Variants in WDPCP observed in about 807,000 individuals in gnomAD.
WDPCP encodes WD repeat-containing and planar cell polarity effector protein fritz homolog.
In WDPCP, 71 loss-of-function variants were observed where a neutral mutation model predicts 93.1. The observed-to-expected ratio is 0.76, with a 90% confidence interval of 0.63 to 0.93. WDPCP has a LOEUF of 0.93. WDPCP is among the 40% of genes least tolerant of loss of function. The pLI, the probability that WDPCP is intolerant of heterozygous loss-of-function variation, is 0.00. For missense variants in WDPCP, 844 were observed against 887.4 expected, an observed-to-expected ratio of 0.95 and a Z score of 0.62; for synonymous variants, 315 against 315.0, an observed-to-expected ratio of 1.00 and a Z score of 0.00.
intron 3 of WDPCP, among the ~76,000 whole-genome samples, chr2:63,634,561 G>T (rs1709902006): frequency 6.6e-6 from 1 of 152,142 alleles, no homozygotes; most frequent in Non-Finnish European, 1.5e-5. Flanking sequence ...AATGGCAGCA[G>T]AATATACATT....
At chr2:63,550,204 C>T (rs1705489806) in intron 1 of WDPCP, among the ~76,000 whole-genome samples, 2 of 144,494 alleles carry the variant, frequency 1.4e-5, no homozygotes, top group East Asian at 2.1e-4. Context: ...CACACACACA[C>T]ACACACACAC....
At chr2:63,622,026 C>T (rs370117129) in intron 3 of WDPCP, among the ~76,000 whole-genome samples, 2 of 150,988 alleles carry the variant, frequency 1.3e-5, no homozygotes, top group Non-Finnish European at 3.0e-5. Flanking sequence ...ATCCCTCCCC[C>T]CTCCCCACTC....
At chr2:63,340,008 C>T (rs1688723130) in intron 12 of WDPCP, among the ~76,000 whole-genome samples, 1 of 152,086 alleles carries the variant, frequency 6.6e-6, no homozygotes, top group Admixed American at 6.6e-5. Flanking sequence ...TAGCGTCAGT[C>T]ACTGGATTTT....
chr2:63,517,929 C>T (rs1040707182), intron 1 of WDPCP: 4 of 152,244 alleles, frequency 2.6e-5, no homozygotes, highest in Admixed American at 1.3e-4. Flanking sequence ...CTCTGTCTTG[C>T]CCAGACTGGA....
intron 12 of WDPCP, among the ~76,000 whole-genome samples, chr2:63,316,385 C>T (rs1009983160): frequency 1.3e-5 from 2 of 152,030 alleles, no homozygotes; most frequent in Admixed American, 6.6e-5. Flanking sequence ...AAAATAAGGC[C>T]GGGCGCCTAT....
chr2:63,622,806 C>G, intron 3 of WDPCP: 1 of 1,611,858 alleles, frequency 6.2e-7, no homozygotes, highest in Non-Finnish European at 8.5e-7. Flanking sequence ...CCGGAGCACG[C>G]TCTGGCCCAG....
intron 9 of WDPCP, among the ~76,000 whole-genome samples, chr2:63,423,973 A>G (rs1178497565): frequency 6.6e-6 from 1 of 152,034 alleles, no homozygotes; most frequent in Non-Finnish European, 1.5e-5. Flanking sequence ...TTCAATAGAG[A>G]GGGATATAGA....
chr2:63,709,852 A>G (rs919647784), intron 2 of WDPCP, among the ~76,000 whole-genome samples: 1 of 152,190 alleles, frequency 6.6e-6, no homozygotes, highest in African/African-American at 2.4e-5. Flanking sequence ...GCTACTGCTG[A>G]GTAGGGAACA....
chr2:63,356,874 T>C (rs1283932494), intron 12 of WDPCP, among the ~76,000 whole-genome samples: 2 of 152,148 alleles, frequency 1.3e-5, no homozygotes, highest in African/African-American at 4.8e-5. Context: ...TACTTCAAAG[T>C]ATACTACAGG....
intron 3 of WDPCP, among the ~76,000 whole-genome samples, chr2:63,640,958 C>T (rs1709974084): frequency 6.6e-6 from 1 of 152,170 alleles, no homozygotes; most frequent in Non-Finnish European, 1.5e-5. Flanking sequence ...CCCCATCTTC[C>T]TCCTAACCTC....
chr2:63,834,923 G>A, the WDPCP span, among the ~76,000 whole-genome samples: 1 of 152,128 alleles, frequency 6.6e-6, no homozygotes, highest in Non-Finnish European at 1.5e-5. Context: ...TGGTCTGACT[G>A]ATCCAACAAT....
intron 9 of WDPCP, among the ~76,000 whole-genome samples, chr2:63,414,472 T>TACACAC (rs146569752): frequency 0.16 from 23,905 of 148,790 alleles, 2,337 homozygotes; most frequent in Non-Finnish European, 0.2. Context: ...CACACACATA[T>TACACAC]ACACACACAC....
chr2:63,578,082 A>G (rs1288195571), intron 1 of WDPCP, among the ~76,000 whole-genome samples: 1 of 152,214 alleles, frequency 6.6e-6, no homozygotes, highest in African/African-American at 2.4e-5. Context: ...CGGTAATAAC[A>G]GAAAAGTTAA....
chr2:63,394,588 G>A (rs565100139), intron 10 of WDPCP, among the ~76,000 whole-genome samples: 63 of 152,172 alleles, frequency 4.1e-4, no homozygotes, highest in African/African-American at 1.2e-3. Flanking sequence ...ACATGCACAC[G>A]TATGTTTGTC....
Position 63,121,247 on chromosome 2 carries a change from C to T in WDPCP, c.*759G>A, listed in dbSNP as rs1373443878. 3 of 152,022 alleles carry T rather than the reference C, an allele frequency of 2.0e-5. No homozygotes were observed. The highest frequency in any genetic ancestry group is 1.9e-4 in the East Asian group (1 of 5,188). The allele number at this position is 152,022 out of a possible 1,614,324, so 9.4% of individuals were successfully genotyped here. On this transcript the variant is annotated 3_prime_UTR_variant, in exon 18 of 18. Coordinates refer to ENST00000272321, the MANE Select transcript of WDPCP (RefSeq NM_015910.7). ...GGGCAAATTACTCATAGCAGTAATTCGAGAGAACCATGGAGAATTGTCTTC... is the reference window on the plus strand; with the variant it reads ...GGGCAAATTACTCATAGCAGTAATTTGAGAGAACCATGGAGAATTGTCTTC...
chr2:63,719,916 G>A (rs1005923665), intron 2 of WDPCP, among the ~76,000 whole-genome samples: 1 of 152,084 alleles, frequency 6.6e-6, no homozygotes, highest in Non-Finnish European at 1.5e-5. Context: ...TGTTATACTA[G>A]TATTTATATA....
At chr2:63,381,877 T>G (rs1250634560) in intron 11 of WDPCP, 29 bp downstream of exon 11, 5 of 1,610,880 alleles carry the variant, frequency 3.1e-6, no homozygotes, top group African/African-American at 1.3e-5. Flanking sequence ...TATACAAAAC[T>G]CATCAATGAA....
chr2:63,405,344 T>C (rs2105201597), intron 9 of WDPCP, among the ~76,000 whole-genome samples: 1 of 152,296 alleles, frequency 6.6e-6, no homozygotes, highest in Non-Finnish European at 1.5e-5. Flanking sequence ...AATTAAGACC[T>C]AGTATATATA....
intron 9 of WDPCP, among the ~76,000 whole-genome samples, chr2:63,433,484 C>T (rs1472516375): frequency 3.9e-5 from 6 of 152,106 alleles, no homozygotes; most frequent in African/African-American, 1.4e-4. Context: ...ATAGCACATA[C>T]AAGTTAGTAA....
Sources: gnomAD v4.1 joint callset for allele counts (sites outside exome capture counted in the v4.1 genomes callset) on GRCh38, gnomAD v4.1.1 for gene constraint, MANE v1.5 for transcripts, NCBI Gene and HGNC (gene_info 2026-07-23, HGNC 2026-07-21) for gene names.